The following SMC6 variants were observed in gnomAD, a reference collection of about 807,000 sequenced individuals.
The protein encoded by SMC6 is structural maintenance of chromosomes protein 6.
In SMC6, 79 loss-of-function variants were observed where a neutral mutation model predicts 142.2. That is an observed-to-expected ratio of 0.56 (90% CI 0.46 to 0.67). The LOEUF (loss-of-function observed/expected upper bound fraction) is 0.67. SMC6 is among the 30% of genes least tolerant of loss of function. The pLI is 0.00. For synonymous variants in SMC6, 411 were observed against 412.4 expected (o/e 1.00, Z 0.04); for missense variants, 1,072 against 1,284.0 (o/e 0.83, Z 2.52).
chr2:17,745,160 T>C (rs1203829033), intron 3 of SMC6, among the ~76,000 whole-genome samples: 1 of 152,216 alleles, frequency 6.6e-6, no homozygotes. Context: ...TTAGGTATAC[T>C]GGTTTTACAG....
chr2:17,695,906 A>C (rs1188565841), intron 22 of SMC6, among the ~76,000 whole-genome samples: 1 of 152,168 alleles, frequency 6.6e-6, no homozygotes, highest in Non-Finnish European at 1.5e-5. Context: ...TAGAATTGCC[A>C]ATAGACATGT....
chr2:17,717,269 T>C, intron 12 of SMC6, 93 bp from the exon 13 acceptor site: 2 of 766,266 alleles, frequency 2.6e-6, no homozygotes, highest in Non-Finnish European at 4.1e-6. Context: ...GCTGAATATA[T>C]ACAGGAATAT....
intron 25 of SMC6, 63 bp from the exon 26 acceptor site, chr2:17,670,638 T>G (rs1005175956): frequency 3.6e-6 from 5 of 1,395,092 alleles, no homozygotes; most frequent in Non-Finnish European, 3.8e-6. Context: ...GATTAAATTC[T>G]TTACAAGACA....
At chr2:17,723,302 A>C (rs1470530911) in intron 9 of SMC6, among the ~76,000 whole-genome samples, 1 of 152,212 alleles carries the variant, frequency 6.6e-6, no homozygotes, top group Admixed American at 6.5e-5. Context: ...ATAGCAGTTC[A>C]TTCTCTTGTA....
intron 16 of SMC6, among the ~76,000 whole-genome samples, chr2:17,711,289 A>G (rs2124977833): frequency 6.6e-6 from 1 of 152,300 alleles, no homozygotes; most frequent in African/African-American, 2.4e-5. Flanking sequence ...GAGGGAGGAT[A>G]CAATATTAGT....
intron 1 of SMC6, among the ~76,000 whole-genome samples, chr2:17,753,354 C>T (rs1671181256): frequency 6.6e-6 from 1 of 152,176 alleles, no homozygotes; most frequent in African/African-American, 2.4e-5. Context: ...GGGACGGCCG[C>T]CTGGGAGGGG....
chr2:17,716,582 G>T (rs1001100538), intron 14 of SMC6, among the ~76,000 whole-genome samples, 159 bp downstream of exon 14: 1 of 152,126 alleles, frequency 6.6e-6, no homozygotes, highest in Admixed American at 6.6e-5. Flanking sequence ...CAATGAGTTA[G>T]CCCTGCTCTG....
At chr2:17,751,909 G>C (rs1671058454) in intron 2 of SMC6, among the ~76,000 whole-genome samples, 1 of 152,130 alleles carries the variant, frequency 6.6e-6, no homozygotes, top group Non-Finnish European at 1.5e-5. Flanking sequence ...GATTTAGGTA[G>C]GTTTTACATA....
At chr2:17,713,749 T>C (rs1201813111) in intron 16 of SMC6, among the ~76,000 whole-genome samples, 4 of 152,374 alleles carry the variant, frequency 2.6e-5, no homozygotes, top group East Asian at 1.9e-4. Context: ...TGTTTCTTCC[T>C]ATCAAAAATG....
chr2:17,750,991 G>A (rs1347314221), intron 2 of SMC6, among the ~76,000 whole-genome samples: 1 of 104,740 alleles, frequency 9.5e-6, no homozygotes, highest in Non-Finnish European at 1.8e-5. Context: ...GACAACAAGA[G>A]TGAACAGCTG....
intron 25 of SMC6, among the ~76,000 whole-genome samples, chr2:17,676,031 G>A (rs904192312): frequency 2.0e-5 from 3 of 152,062 alleles, no homozygotes; most frequent in Non-Finnish European, 2.9e-5. Flanking sequence ...ACTCTGTTCA[G>A]TGTTTTCTGT....
At chr2:17,697,687 C>T (rs144942879) in intron 21 of SMC6, among the ~76,000 whole-genome samples, 2,152 of 152,064 alleles carry the variant, frequency 0.014, 24 homozygotes, top group Middle Eastern at 0.051. Context: ...ATTAAAAAGG[C>T]AGAAAATAAC....
chr2:17,712,980 A>G (rs1419107115), intron 16 of SMC6, among the ~76,000 whole-genome samples: 2 of 152,180 alleles, frequency 1.3e-5, no homozygotes, highest in African/African-American at 4.8e-5. Flanking sequence ...GTTCCATTCA[A>G]CTTGAATTTC....
intron 7 of SMC6, among the ~76,000 whole-genome samples, chr2:17,728,146 A>C (rs1047071178): frequency 6.6e-6 from 1 of 152,218 alleles, no homozygotes. Context: ...GGATTATTTA[A>C]GAATCTTGGC....
At chr2:17,722,355 A>G (rs17315423) in intron 9 of SMC6, among the ~76,000 whole-genome samples, 42,364 of 151,940 alleles carry the variant, frequency 0.28, 6,442 homozygotes, top group Non-Finnish European at 0.33. Context: ...TATCTTCTCA[A>G]AGGTCTAAAT....
chr2:17,678,383 A>G (rs568191135), intron 25 of SMC6, among the ~76,000 whole-genome samples: 1 of 152,308 alleles, frequency 6.6e-6, no homozygotes, highest in South Asian at 2.1e-4. Context: ...TTTATTTAGT[A>G]AGATCGATTT....
chr2:17,672,873 T>C lies in SMC6; in HGVS notation c.2911-2298A>G, dbSNP rs540838071. Among the ~76,000 whole-genome samples the C allele has an allele frequency of 1.6e-4, 24 of 152,300 alleles. 1 individual carries two copies. In the South Asian group the frequency reaches 3.7e-3, roughly 24 times the overall value. ...CACTGGGTTTCTCAGTTTTGGGCTA[T>C]GATAAATAAAACTTCTTTGAACATT... On this transcript the variant is annotated intron_variant, in intron 25 of 27. Coordinates refer to ENST00000448223, the MANE Select transcript of SMC6 (RefSeq NM_001142286.2).
intron 7 of SMC6, among the ~76,000 whole-genome samples, chr2:17,730,769 ATT>A (rs753341570): frequency 6.5e-5 from 9 of 139,132 alleles, no homozygotes; most frequent in Admixed American, 7.1e-5. Flanking sequence ...CACCCAGCTA[ATT>A]TTTTTTTTTT....
intron 5 of SMC6, among the ~76,000 whole-genome samples, chr2:17,732,940 C>A (rs1030774379): frequency 6.6e-6 from 1 of 151,924 alleles, no homozygotes; most frequent in Non-Finnish European, 1.5e-5. Flanking sequence ...TTTGTGTACT[C>A]CAACTTGTGT....
Sources: gnomAD v4.1 joint callset for allele counts (sites outside exome capture counted in the v4.1 genomes callset) on GRCh38, gnomAD v4.1.1 for gene constraint, MANE v1.5 for transcripts, NCBI Gene and HGNC (gene_info 2026-07-23, HGNC 2026-07-21) for gene names.